THSD4: variants seen among roughly 807,000 people sequenced by gnomAD.
THSD4 encodes thrombospondin type-1 domain-containing protein 4.
THSD4 carries 69 observed loss-of-function variants against 119.0 expected under a neutral mutation model. That is an observed-to-expected ratio of 0.58 (90% CI 0.48 to 0.71). The LOEUF (loss-of-function observed/expected upper bound fraction) is 0.71, where lower values mean the gene tolerates loss of function less well. Among genes scored for constraint, THSD4 ranks in the 30% least tolerant of loss-of-function variants. THSD4 has a pLI of 0.00. For synonymous variants in THSD4, 524 were observed against 540.4 expected, an observed-to-expected ratio of 0.97 and a Z score of 0.42; for missense variants, 1,393 against 1,391.1, an observed-to-expected ratio of 1.00 and a Z score of -0.02.
chr15:71,725,956 CT>C (rs528802263), intron 8 of THSD4, among the ~76,000 whole-genome samples: 122 of 152,134 alleles, frequency 8.0e-4, no homozygotes, highest in Admixed American at 1.6e-3. Context: ...TAATTTTGTA[CT>C]TTTAGCAGAG....
intron 7 of THSD4, among the ~76,000 whole-genome samples, chr15:71,468,096 G>C (rs142044834): frequency 6.6e-6 from 1 of 152,040 alleles, no homozygotes; most frequent in East Asian, 1.9e-4. Flanking sequence ...TGATCCACCC[G>C]CCTCAGCCTC....
At chr15:71,671,363 C>A (rs1471796818) in intron 8 of THSD4, among the ~76,000 whole-genome samples, 3 of 151,916 alleles carry the variant, frequency 2.0e-5, no homozygotes, top group Non-Finnish European at 2.9e-5. Context: ...TGTTTAAGTT[C>A]TTTGTAGATT....
chr15:71,752,839 G>C (rs988684950), intron 14 of THSD4, among the ~76,000 whole-genome samples: 1 of 152,348 alleles, frequency 6.6e-6, no homozygotes, highest in East Asian at 1.9e-4. Flanking sequence ...CTTAGAAAAG[G>C]TTCAGCCCCT....
intron 3 of THSD4, among the ~76,000 whole-genome samples, chr15:71,168,359 T>C (rs946551155): frequency 1.3e-5 from 2 of 152,234 alleles, no homozygotes; most frequent in Admixed American, 6.5e-5. Flanking sequence ...GCAGGAAAGA[T>C]TGTGAGACAT....
intron 6 of THSD4, among the ~76,000 whole-genome samples, chr15:71,303,752 T>G (rs1167870012): frequency 6.6e-6 from 1 of 152,158 alleles, no homozygotes; most frequent in Admixed American, 6.5e-5. Flanking sequence ...GTGCGCTGGA[T>G]TAGTCATAGC....
intron 7 of THSD4, among the ~76,000 whole-genome samples, chr15:71,532,283 A>AGAGAGAGAGAGAGAGT (rs1379506089): frequency 0.015 from 1,514 of 101,514 alleles, 26 homozygotes; most frequent in Non-Finnish European, 0.018. Context: ...AGAGAGAGAG[A>AGAGAGAGAGAGAGAGT]GTGTGTGTGT....
chr15:71,140,317 C>T (rs1282296569), intron 1 of THSD4, among the ~76,000 whole-genome samples: 2 of 152,070 alleles, frequency 1.3e-5, no homozygotes, highest in East Asian at 3.9e-4. Context: ...GGAAGGGCAG[C>T]CAGTGTGTCA....
intron 3 of THSD4, 70 bp downstream of exon 3, chr15:71,155,002 AACT>A (rs2141383682): frequency 6.8e-7 from 1 of 1,476,540 alleles, no homozygotes; most frequent in East Asian, 2.3e-5. Flanking sequence ...CACTGCCCTG[AACT>A]TTGTTCTGTT....
rs377251315 is a variant in THSD4 at position 71,763,019 on chromosome 15, C to T, written c.2590-2001C>T. ...CTGGGAGGCAGAGGTTGCAGTGAGC[C>T]GAGATTGCACCACTGCACTCTAGCC... On this transcript the variant is annotated intron_variant, in intron 15 of 17. Coordinates refer to ENST00000261862, the MANE Select transcript of THSD4 (RefSeq NM_024817.3). Among the ~76,000 whole-genome samples the T allele has an allele frequency of 6.6e-5, 10 of 151,896 alleles. No homozygotes were observed. In the East Asian group the frequency reaches 9.7e-4, roughly 15 times the overall value.
intron 8 of THSD4, among the ~76,000 whole-genome samples, chr15:71,685,795 A>G (rs2051895777): frequency 6.6e-6 from 1 of 152,060 alleles, no homozygotes; most frequent in African/African-American, 2.4e-5. Context: ...AACCACATCA[A>G]TAAACTTGTC....
intron 7 of THSD4, among the ~76,000 whole-genome samples, chr15:71,442,660 G>GTGTGTGTATGTATGTATGTATATATA: frequency 2.3e-4 from 6 of 25,800 alleles, no homozygotes; most frequent in Non-Finnish European, 3.7e-4. Flanking sequence ...GTGTGTGTGT[G>GTGTGTGTATGTATGTATGTATATATA]TATATATATA....
intron 7 of THSD4, among the ~76,000 whole-genome samples, chr15:71,598,399 A>G (rs142983283): frequency 0.011 from 1,602 of 152,284 alleles, 16 homozygotes; most frequent in Non-Finnish European, 0.017. Flanking sequence ...ATTGATGGGT[A>G]CTGAGACAAG....
At chr15:71,634,363 C>T (rs560679555) in intron 7 of THSD4, among the ~76,000 whole-genome samples, 1 of 152,242 alleles carries the variant, frequency 6.6e-6, no homozygotes, top group Admixed American at 6.5e-5. Context: ...TCCTTGGGAA[C>T]ACCAGTCTTG....
chr15:71,547,607 C>A, intron 7 of THSD4: 1 of 1,074,838 alleles, frequency 9.3e-7, no homozygotes, highest in Non-Finnish European at 1.3e-6. Context: ...CTTTATATTA[C>A]TTTTGTAGGC....
rs115120122 is a variant in THSD4 at position 71,256,594 on chromosome 15, T to C, written c.913-19T>C. The C allele has an allele frequency of 5.5e-4, 887 of 1,609,552 alleles. 4 individuals carry two copies. The African/African-American group carries it at 0.011, about 20-fold the overall frequency. On this transcript the variant is annotated intron_variant, in intron 5 of 17. Coordinates refer to ENST00000261862, the MANE Select transcript of THSD4 (RefSeq NM_024817.3). ...AAAAGTATGGACACTAATTGCATATTTAATATCTGCTTTATTAGGTATGTC... is the reference window on the plus strand; with the variant it reads ...AAAAGTATGGACACTAATTGCATATCTAATATCTGCTTTATTAGGTATGTC...
chr15:71,388,047 A>G (rs537319681), intron 6 of THSD4, among the ~76,000 whole-genome samples: 1 of 152,324 alleles, frequency 6.6e-6, no homozygotes, highest in South Asian at 2.1e-4. Context: ...TGGTTTACAC[A>G]CATAAACAGA....
rs112488859 is a variant in THSD4, at chr15:71,102,568, C to CT, written c.-80+5570dup. Among the ~76,000 whole-genome samples, 1,051 of 151,636 alleles carry CT rather than the reference C, an allele frequency of 6.9e-3. 17 individuals are homozygous for CT. Among genetic ancestry groups the CT allele is most frequent in the African/African-American group, 0.025 (1,019 of 41,354 alleles). ...CCATTTGGTTTGTTTTTATATCTTCCTTTTTTTTAAATTTTGAGACAGTTT... is the reference window on the plus strand; with the variant it reads ...CCATTTGGTTTGTTTTTATATCTTCCTTTTTTTTTAAATTTTGAGACAGTTT... On this transcript the variant is annotated intron_variant, in intron 1 of 17. Coordinates refer to the THSD4 transcript ENST00000355327.
chr15:71,228,042 A>G (rs28688276), intron 4 of THSD4, among the ~76,000 whole-genome samples: 5,524 of 152,224 alleles, frequency 0.036, 344 homozygotes, highest in African/African-American at 0.12. Flanking sequence ...CTCAGTCCTC[A>G]AAGATAGCAG....
At chr15:71,486,226 T>C (rs1416040079) in intron 7 of THSD4, among the ~76,000 whole-genome samples, 1 of 152,170 alleles carries the variant, frequency 6.6e-6, no homozygotes, top group Non-Finnish European at 1.5e-5. Flanking sequence ...TCCTCGATCC[T>C]CTTCTGCCTC....
Sources: gnomAD v4.1 joint callset for allele counts (sites outside exome capture counted in the v4.1 genomes callset) on GRCh38, gnomAD v4.1.1 for gene constraint, MANE v1.5 for transcripts, NCBI Gene and HGNC (gene_info 2026-07-23, HGNC 2026-07-21) for gene names.